Variants in USP25 observed in about 807,000 individuals in gnomAD.
USP25 encodes ubiquitin carboxyl-terminal hydrolase 25.
Under a neutral mutation model 158.5 loss-of-function variants are expected in USP25, and 85 were observed. The ratio of observed to expected loss-of-function variants is 0.54; its 90% confidence interval spans 0.45 to 0.64. The LOEUF is 0.64. Ranked by LOEUF, USP25 falls within the 30% of genes least tolerant of loss-of-function variation. The pLI, the probability that USP25 is intolerant of heterozygous loss-of-function variation, is 0.00. For missense variants in USP25, 1,242 were observed against 1,327.3 expected, an observed-to-expected ratio of 0.94 and a Z score of 1.00; for synonymous variants, 464 against 460.4, an observed-to-expected ratio of 1.01 and a Z score of -0.10.
intron 1 of USP25, among the ~76,000 whole-genome samples, chr21:15,751,103 A>G (rs2032983734): frequency 6.6e-6 from 1 of 152,296 alleles, no homozygotes; most frequent in Non-Finnish European, 1.5e-5. Context: ...GGTAAAGAGA[A>G]CTCTAAAGTA....
At chr21:15,749,083 A>G (rs969234660) in intron 1 of USP25, among the ~76,000 whole-genome samples, 43 of 151,856 alleles carry the variant, frequency 2.8e-4, no homozygotes, top group Middle Eastern at 3.4e-3. Flanking sequence ...TGAACTGAAC[A>G]GGTTGTGTGA....
chr21:15,796,303 G>T (rs948823592), intron 5 of USP25, among the ~76,000 whole-genome samples: 2 of 151,428 alleles, frequency 1.3e-5, no homozygotes, highest in African/African-American at 4.8e-5. Context: ...ACTGAGTAAT[G>T]GTAGATGAGG....
At chr21:15,753,063 T>C (rs2033137091) in intron 1 of USP25, among the ~76,000 whole-genome samples, 2 of 152,200 alleles carry the variant, frequency 1.3e-5, no homozygotes, top group South Asian at 4.1e-4. Context: ...GAGTATTCTT[T>C]AGGGCATTGT....
chr21:15,798,578 C>CT (rs2035975764), intron 5 of USP25, among the ~76,000 whole-genome samples: 1 of 151,228 alleles, frequency 6.6e-6, no homozygotes, highest in Non-Finnish European at 1.5e-5. Context: ...ACTGTAATCC[C>CT]TACAAGGGCA....
At chr21:15,825,849 A>C (rs920756487) in intron 12 of USP25, among the ~76,000 whole-genome samples, 3 of 152,218 alleles carry the variant, frequency 2.0e-5, no homozygotes. Flanking sequence ...AGATAGGAGG[A>C]TAGTACACAT....
rs1285740264 is a variant in USP25, at chr21:15,816,750, TG to T, written c.932-1946del. 2.0e-5 allele frequency among the ~76,000 whole-genome samples: 3 copies of T among 152,114 alleles called. No homozygotes were observed. The highest frequency in any genetic ancestry group is 7.2e-5 in the African/African-American group (3 of 41,414). On this transcript the variant is annotated intron_variant, in intron 9 of 25. Coordinates refer to ENST00000400183, the MANE Select transcript of USP25 (RefSeq NM_001283041.3). This position sits in a 1 kb window ranked among gnomAD's most constrained non-coding sequence, Gnocchi z 4.0. ...ACTGTCTTCTCAAATTGAAATCTCA[TG>T]GATCATAATGAACCAGTGATTTCCA...
intron 1 of USP25, among the ~76,000 whole-genome samples, chr21:15,760,710 A>G (rs940946486): frequency 6.6e-6 from 1 of 152,210 alleles, no homozygotes; most frequent in African/African-American, 2.4e-5. Context: ...TTATTTTGAA[A>G]TTTCAAATTT....
chr21:15,857,766 G>A (rs368451017), intron 20 of USP25, among the ~76,000 whole-genome samples: 2 of 151,930 alleles, frequency 1.3e-5, no homozygotes. Context: ...TTGGTCCTGT[G>A]ATCACTTATA....
At chr21:15,735,144 C>T (rs2031362171) in intron 1 of USP25, among the ~76,000 whole-genome samples, 2 of 152,254 alleles carry the variant, frequency 1.3e-5, no homozygotes, top group East Asian at 3.9e-4. Context: ...CCTGATAAAA[C>T]CCCATTTGGT....
intron 12 of USP25, 144 bp downstream of exon 12, chr21:15,825,205 A>T: frequency 1.7e-6 from 1 of 599,268 alleles, no homozygotes; most frequent in South Asian, 2.4e-5. Flanking sequence ...TTTTGCTTGA[A>T]ACTAAAAATC....
intron 1 of USP25, among the ~76,000 whole-genome samples, chr21:15,746,640 C>G (rs1484806814): frequency 4.6e-5 from 7 of 152,092 alleles, no homozygotes; most frequent in African/African-American, 1.7e-4. Context: ...GCATGATCCA[C>G]CAGCCTCGGC....
At position 15,847,758 on chromosome 21, in the gene USP25, G is replaced by GA; in HGVS notation, c.2433_2434insA (p.Gly812ArgfsTer4). 3 of 1,546,072 alleles carry GA rather than the reference G, an allele frequency of 1.9e-6. No individual in the cohort carries two copies. The highest frequency in any genetic ancestry group is 2.6e-6 in the Non-Finnish European group (3 of 1,143,160). On this transcript the variant is annotated frameshift_variant, in exon 19 of 26. Transcript: ENST00000400183. LOFTEE classifies it high-confidence loss of function. ...GGAAATTTATGATTGAATCAAAGGA[G>GA]GGGGGGTATGATGACGAGGTACCTT...
intron 2 of USP25, 21 bp downstream of exon 2, chr21:15,762,989 T>G (rs1260039477): frequency 6.2e-7 from 1 of 1,600,212 alleles, no homozygotes; most frequent in Non-Finnish European, 8.5e-7. Flanking sequence ...TGTTTTATGA[T>G]ATACAGTTTG....
Position 15,866,343 on chromosome 21 carries a change from A to T in USP25, c.2804A>T (p.Glu935Val), listed in dbSNP as rs1568910288. 4 of 1,601,102 alleles carry T rather than the reference A, an allele frequency of 2.5e-6. No individual in the cohort carries two copies. The highest frequency in any genetic ancestry group is 3.4e-6 in the Non-Finnish European group (4 of 1,173,890). The change falls in exon 22 of 26, where the codon GAG (glutamate) becomes GTG (valine). Residue 935 changes from glutamate (E) to valine (V), a missense_variant and splice_region_variant. Physicochemically the swap from Glu to Val is moderately radical, Grantham distance 121 (BLOSUM62 -2). Transcript: ENST00000400183. ...KPEEVNLEEY[E>V]EWHQDYRKFR... is the part of the protein sequence containing the mutation. ...GAAGAAGTAAACTTGGAGGAATATG[A>T]GGTAATGTGCTTTCTTAGAGGTTAA...
intron 16 of USP25, among the ~76,000 whole-genome samples, chr21:15,832,688 G>C (rs1454731905): frequency 6.6e-6 from 1 of 151,846 alleles, no homozygotes; most frequent in African/African-American, 2.4e-5. Context: ...TCCAATAGTG[G>C]CAGAAGTAGT....
rs2033821422 is a variant in USP25 at position 15,762,973 on chromosome 21, G to A, written c.123+5G>A. 6.2e-7 allele frequency: 1 copy of A among 1,609,294 alleles called. No individual in the cohort carries two copies. Among genetic ancestry groups the A allele is most frequent in the Non-Finnish European group, 8.5e-7 (1 of 1,177,806 alleles). ...ATACTACAGCAAGCCTTGAAGGTAT[G>A]GCCTCTGTTTTATGATATACAGTTT... On this transcript the variant is annotated splice_donor_5th_base_variant and intron_variant, in intron 2 of 25. Transcript: ENST00000400183.
chr21:15,833,417 T>C lies in USP25; in HGVS notation c.2063T>C (p.Phe688Ser). The C allele has an allele frequency of 6.2e-7, 1 of 1,614,056 alleles. No homozygotes were observed. Among genetic ancestry groups the C allele is most frequent in the South Asian group, 1.1e-5 (1 of 91,068 alleles). Residue 688 changes from phenylalanine (F) to serine (S), a missense_variant, in exon 17 of 26, where the codon TTT becomes TCT. This residue lies in a region of USP25 where 608 missense variants were observed against 605.2 expected (regional missense o/e 1.00). Transcript: ENST00000400183. ...ACATTACCACCGGATTTGAGAGATT[T>C]TGTTGAGGAAGACAACCAACGATTT... Reference protein sequence around the residue: ...IETLPPDLRDFVEEDNQRFEK... With the variant: ...IETLPPDLRDSVEEDNQRFEK...
chr21:15,823,020 C>A (rs2037311062), intron 10 of USP25, among the ~76,000 whole-genome samples: 2 of 151,982 alleles, frequency 1.3e-5, no homozygotes, highest in Non-Finnish European at 2.9e-5. Flanking sequence ...TCCTCAGATT[C>A]AGTTTGCCAG....
chr21:15,797,261 G>T (rs1216863658), intron 5 of USP25, among the ~76,000 whole-genome samples: 2 of 151,200 alleles, frequency 1.3e-5, no homozygotes, highest in African/African-American at 4.8e-5. Context: ...GAAAGATCAA[G>T]CCATAGATTC....
Sources: allele counts gnomAD v4.1 joint callset (sites outside exome capture counted in the v4.1 genomes callset), GRCh38; gene constraint gnomAD v4.1.1; regional missense constraint gnomAD v4.1.1; non-coding constraint Gnocchi (gnomAD v3.1); transcripts MANE v1.5; gene names NCBI Gene and HGNC (gene_info 2026-07-23, HGNC 2026-07-21).